PPP1R9B: variants seen among roughly 807,000 people sequenced by gnomAD.
The protein encoded by PPP1R9B is protein phosphatase 1 regulatory subunit 9B.
A neutral mutation model predicts 75.8 loss-of-function variants in PPP1R9B; 17 were observed. The observed-to-expected ratio is 0.22, with a 90% CI of 0.15 to 0.34. The LOEUF (loss-of-function observed/expected upper bound fraction) is 0.34. PPP1R9B is among the 10% of genes least tolerant of loss of function. The pLI, the probability that PPP1R9B is intolerant of heterozygous loss-of-function variation, is 1.00. For missense variants in PPP1R9B, 875 were observed against 1,196.0 expected (o/e 0.73, Z 3.96); for synonymous variants, 509 against 535.4 (o/e 0.95, Z 0.68).
At chr17:50,143,319 G>A (rs1403467394) in intron 3 of PPP1R9B, among the ~76,000 whole-genome samples, 2 of 152,122 alleles carry the variant, frequency 1.3e-5, no homozygotes, top group African/African-American at 2.4e-5. Flanking sequence ...ACTCCAGACC[G>A]GGATGCACAA....
At chr17:50,140,036 T>C in intron 5 of PPP1R9B, 57 bp downstream of exon 5, 2 of 1,587,934 alleles carry the variant, frequency 1.3e-6, no homozygotes, top group East Asian at 2.2e-5. Context: ...ATGACTGTAA[T>C]GCTTCATCTA....
chr17:50,148,521 G>A (rs913290763), intron 1 of PPP1R9B, among the ~76,000 whole-genome samples: 1 of 152,362 alleles, frequency 6.6e-6, no homozygotes, highest in East Asian at 1.9e-4. Context: ...CAGGGAACAC[G>A]GCGCCAGCCA....
chr17:50,148,383 G>A (rs2144457731), intron 1 of PPP1R9B, among the ~76,000 whole-genome samples: 1 of 152,302 alleles, frequency 6.6e-6, no homozygotes, highest in South Asian at 2.1e-4. Flanking sequence ...CTACTGCCAG[G>A]CACCCAGGGG....
chr17:50,149,095 T>C lies in PPP1R9B; in HGVS notation c.1371+48A>G, dbSNP rs1229224566. 1 of 1,286,726 alleles carries C rather than the reference T, an allele frequency of 7.8e-7. No individual in the cohort carries two copies. Among genetic ancestry groups the C allele is most frequent in the South Asian group, 1.8e-5 (1 of 56,334 alleles). The allele number at this position is 1,286,726 out of a possible 1,614,324, so 79.7% of individuals were successfully genotyped here. On this transcript the variant is annotated intron_variant, in intron 1 of 9. Coordinates refer to ENST00000612501, the MANE Select transcript of PPP1R9B (RefSeq NM_032595.5). This position sits in a 1 kb window ranked among gnomAD's most constrained non-coding sequence, Gnocchi z 7.2. Reference sequence around the variant, plus strand: ...TGGCTGGCGAGCGGGGGCGGCCGCGTGCACGTGGCAGGGGCGGCGCGGGGG... The same window carrying C: ...TGGCTGGCGAGCGGGGGCGGCCGCGCGCACGTGGCAGGGGCGGCGCGGGGG...
rs748530841 is a variant in PPP1R9B, at chr17:50,140,142, C to A, written c.1817G>T (p.Arg606Leu). 6.2e-7 allele frequency: 1 copy of A among 1,613,304 alleles called. No individual in the cohort carries two copies. Among genetic ancestry groups the A allele is most frequent in the Non-Finnish European group, 8.5e-7 (1 of 1,179,678 alleles). ...GGCGTATCTCTGCTCCATCATCTCC[C>A]GCTGCCATCGCTCCTGTTCCAAAGT... ...QQTLEQERWQ[R>L]EMMEQRYAQY... is the part of the protein sequence containing the mutation. Residue 606 changes from arginine (R) to leucine (L), a missense_variant, in exon 5 of 10, where the codon CGG (arginine) becomes CTG (leucine). Arg to Leu is a moderately radical substitution (Grantham distance 102). This residue lies in a region of PPP1R9B where 218 missense variants were observed against 334.6 expected (regional missense o/e 0.65). Coordinates refer to ENST00000612501, the MANE Select transcript of PPP1R9B (RefSeq NM_032595.5).
In PPP1R9B at chr17:50,149,741, G is replaced by A. The variant is rs1912632862; in HGVS notation, c.773C>T (p.Pro258Leu). 7.1e-7 allele frequency: 1 copy of A among 1,405,372 alleles called. No homozygotes were observed. The highest frequency in any genetic ancestry group is 1.6e-5 in the South Asian group (1 of 63,308). The allele number at this position is 1,405,372 out of a possible 1,614,324, so 87.1% of individuals were successfully genotyped here. A position where few individuals can be genotyped will look rare whatever the true frequency, so the allele number is the denominator to read the frequency against. ...SRVFQPPPPP[P>L]PAPSGDAPAE... ...CGGGGCATCCCCCGACGGGGCGGGC[G>A]GCGGCGGCGGCGGGGGCTGGAACAC... The change falls in exon 1 of 10, where the codon CCG (proline) becomes CTG (leucine). Residue 258 changes from proline (P) to leucine (L), a missense_variant. Pro to Leu is a moderately conservative substitution (Grantham distance 98, BLOSUM62 -3). Coordinates refer to ENST00000612501, the MANE Select transcript of PPP1R9B (RefSeq NM_032595.5). This position sits in a 1 kb window ranked among gnomAD's most constrained non-coding sequence, Gnocchi z 7.2.
At chr17:50,148,016 T>TC (rs1361092617) in intron 1 of PPP1R9B, among the ~76,000 whole-genome samples, 2 of 151,920 alleles carry the variant, frequency 1.3e-5, no homozygotes, top group African/African-American at 4.8e-5. Context: ...CCTGGACACT[T>TC]CCATGGGGCG....
At chr17:50,144,001 C>A (rs940489578) in intron 2 of PPP1R9B, among the ~76,000 whole-genome samples, 1 of 152,130 alleles carries the variant, frequency 6.6e-6, no homozygotes, top group Non-Finnish European at 1.5e-5. Context: ...CAGACCAGGG[C>A]GTGTGGCCAG....
At position 50,149,731 on chromosome 17, in the gene PPP1R9B, C is replaced by T. The variant is rs546178477; in HGVS notation, c.783G>A (p.Pro261=). 54 of 1,405,204 alleles carry T rather than the reference C, an allele frequency of 3.8e-5. 2 individuals are homozygous for T. The South Asian group carries it at 7.7e-4, about 20-fold the overall frequency. 87.0% of individuals were successfully genotyped at this position (1,405,204 alleles called of 1,614,324 possible). The change falls in exon 1 of 10, where the codon CCG becomes CCA. Residue 261 remains proline, a synonymous_variant. Transcript: ENST00000612501. The surrounding 1 kb of genome is among the most constrained non-coding windows in gnomAD (Gnocchi z 7.2). ...FQPPPPPPPA[P]SGDAPAEKER... is the part of the protein sequence containing the mutation. ...CTTTCTCGGCCGGGGCATCCCCCGA[C>T]GGGGCGGGCGGCGGCGGCGGCGGGG... is the stretch of plus-strand genomic sequence containing the variant.
Position 50,150,034 on chromosome 17 carries a change from G to T in PPP1R9B, c.480C>A (p.Gly160=), listed in dbSNP as rs557983411. The change falls in exon 1 of 10, where the codon GGC becomes GGA. Residue 160 remains glycine, a synonymous_variant. Transcript: ENST00000612501. The surrounding 1 kb of genome is among the most constrained non-coding windows in gnomAD (Gnocchi z 8.7). ...LFERSAPAAA[G]GDKEAAARRL... ...GCCGCGCCGCGGCCTCCTTGTCGCC[G>T]CCTGCGGCCGCTGGGGCGCTCCGTT... The T allele has an allele frequency of 6.8e-7, 1 of 1,469,176 alleles. No individual in the cohort carries two copies. The highest frequency in any genetic ancestry group is 8.9e-7 in the Non-Finnish European group (1 of 1,119,834). The allele number at this position is 1,469,176 out of a possible 1,614,324, so 91.0% of individuals were successfully genotyped here. A position where few individuals can be genotyped will look rare whatever the true frequency, so the allele number is the denominator to read the frequency against.
In PPP1R9B at chr17:50,139,713, G is replaced by A; in HGVS notation, c.1867-132C>T. On this transcript the variant is annotated intron_variant, in intron 5 of 9. Coordinates refer to ENST00000612501, the MANE Select transcript of PPP1R9B (RefSeq NM_032595.5). This position sits in a 1 kb window ranked among gnomAD's most constrained non-coding sequence, Gnocchi z 5.0. ...AATGTGGTTCATGCCTCCCACTTCA[G>A]CCTGAGGCTGGACCAGAGACACGGT... 1 of 1,055,856 alleles carries A rather than the reference G, an allele frequency of 9.5e-7. No homozygotes were observed. The highest frequency in any genetic ancestry group is 1.4e-6 in the Non-Finnish European group (1 of 738,258). 65.4% of individuals were successfully genotyped at this position (1,055,856 alleles called of 1,614,324 possible). A position where few individuals can be genotyped will look rare whatever the true frequency, so the allele number is the denominator to read the frequency against.
Position 50,149,236 on chromosome 17 carries a change from C to T in PPP1R9B, c.1278G>A (p.Glu426=), listed in dbSNP as rs1912606816. 6.2e-6 allele frequency: 10 copies of T among 1,611,556 alleles called. No homozygotes were observed. Among genetic ancestry groups the T allele is most frequent in the Non-Finnish European group, 8.5e-6 (10 of 1,179,176 alleles). Residue 426 remains glutamate, a synonymous_variant, in exon 1 of 10, where the codon GAG becomes GAA. Coordinates refer to ENST00000612501, the MANE Select transcript of PPP1R9B (RefSeq NM_032595.5). This position sits in a 1 kb window ranked among gnomAD's most constrained non-coding sequence, Gnocchi z 7.2. ...GGATCTCCACGCACCCCGACTCGGGCTCGTAGGGGGGCTCCCCATCCTCCT... is the reference window on the plus strand; with the variant it reads ...GGATCTCCACGCACCCCGACTCGGGTTCGTAGGGGGGCTCCCCATCCTCCT... ...DDEEDGEPPY[E]PESGCVEIPG...
Position 50,149,077 on chromosome 17 carries a change from C to T in PPP1R9B, c.1371+66G>A. ...CTGCCAAACCCGGCTGGCTGGCTGG[C>T]GAGCGGGGGCGGCCGCGTGCACGTG... On this transcript the variant is annotated intron_variant, in intron 1 of 9. Transcript: ENST00000612501. This position sits in a 1 kb window ranked among gnomAD's most constrained non-coding sequence, Gnocchi z 7.2. The T allele has an allele frequency of 1.2e-5, 13 of 1,067,516 alleles. No individual in the cohort carries two copies. The highest frequency in any genetic ancestry group is 1.5e-5 in the Non-Finnish European group (13 of 862,266). The allele number at this position is 1,067,516 out of a possible 1,614,324, so 66.1% of individuals were successfully genotyped here. A position where few individuals can be genotyped will look rare whatever the true frequency, so the allele number is the denominator to read the frequency against.
chr17:50,144,014 T>C (rs559725744), intron 2 of PPP1R9B, among the ~76,000 whole-genome samples: 126 of 151,946 alleles, frequency 8.3e-4, no homozygotes, highest in Non-Finnish European at 1.6e-3. Context: ...GTGGCCAGGA[T>C]GGGGGTAGCC....
At chr17:50,148,985 C>T (rs1912595618) in intron 1 of PPP1R9B, among the ~76,000 whole-genome samples, 158 bp downstream of exon 1, 1 of 152,130 alleles carries the variant, frequency 6.6e-6, no homozygotes, top group African/African-American at 2.4e-5. Context: ...ACAGCTGGAA[C>T]TCCCCCACGC....
chr17:50,138,599 T>G (rs1379326007), intron 7 of PPP1R9B, among the ~76,000 whole-genome samples: 1 of 152,128 alleles, frequency 6.6e-6, no homozygotes, highest in Non-Finnish European at 1.5e-5. Flanking sequence ...TTAGCATGCT[T>G]CGGTATCACA....
chr17:50,141,111 G>A (rs1183877166), intron 4 of PPP1R9B, among the ~76,000 whole-genome samples, 158 bp downstream of exon 4: 4 of 152,092 alleles, frequency 2.6e-5, no homozygotes, highest in South Asian at 2.1e-4. Flanking sequence ...GGTGTGAGGC[G>A]AGGGACTCCA....
intron 1 of PPP1R9B, among the ~76,000 whole-genome samples, chr17:50,148,387 C>G (rs1219598434): frequency 6.6e-6 from 1 of 152,214 alleles, no homozygotes. Flanking sequence ...TGCCAGGCAC[C>G]CAGGGGGATC....
Position 50,139,204 on chromosome 17 carries a change from AC to A in PPP1R9B, c.2073+58del, listed in dbSNP as rs1912304534. 1.3e-6 allele frequency: 2 copies of A among 1,586,064 alleles called. No homozygotes were observed. The highest frequency in any genetic ancestry group is 3.3e-5 in the Admixed American group (2 of 59,956). ...CATGTGCAGGTGTGAGGGTAGGGGGACCCTGCTCCTCAACACACACATGCAC... is the reference window on the plus strand; with the variant it reads ...CATGTGCAGGTGTGAGGGTAGGGGGACCTGCTCCTCAACACACACATGCAC... On this transcript the variant is annotated intron_variant, in intron 7 of 9. Coordinates refer to ENST00000612501, the MANE Select transcript of PPP1R9B (RefSeq NM_032595.5). The surrounding 1 kb of genome is among the most constrained non-coding windows in gnomAD (Gnocchi z 5.0).
Sources: gnomAD v4.1 joint callset for allele counts (sites outside exome capture counted in the v4.1 genomes callset) on GRCh38, gnomAD v4.1.1 for gene constraint, gnomAD v4.1.1 regional missense constraint, Gnocchi (gnomAD v3.1) non-coding constraint, MANE v1.5 for transcripts, NCBI Gene and HGNC (gene_info 2026-07-23, HGNC 2026-07-21) for gene names.